Variants in FRMD4A observed in about 807,000 individuals in gnomAD.
FRMD4A encodes FERM domain containing 4A, also known as FERM domain-containing protein 4A.
A neutral mutation model predicts 129.1 loss-of-function variants in FRMD4A; 29 were observed. That is an observed-to-expected ratio of 0.22 (90% CI 0.17 to 0.31). FRMD4A has a LOEUF of 0.31. FRMD4A is among the 10% of genes least tolerant of loss of function. FRMD4A has a pLI of 1.00. For missense variants in FRMD4A, 1,272 were observed against 1,375.8 expected, an observed-to-expected ratio of 0.92 and a Z score of 1.19; for synonymous variants, 634 against 571.6, an observed-to-expected ratio of 1.11 and a Z score of -1.56.
chr10:14,197,955 T>C (rs190444849), intron 2 of FRMD4A, among the ~76,000 whole-genome samples: 2 of 152,258 alleles, frequency 1.3e-5, no homozygotes, highest in East Asian at 3.9e-4. Flanking sequence ...TTGCCTGGAG[T>C]TTCCGCTCTG....
At chr10:13,685,488 G>A (rs896680809) in intron 15 of FRMD4A, 1 of 984,884 alleles carries the variant, frequency 1.0e-6, no homozygotes. Flanking sequence ...AAATGAGGGA[G>A]CTGACCTATC....
chr10:14,225,192 C>T (rs929899902), intron 2 of FRMD4A, among the ~76,000 whole-genome samples: 1 of 152,100 alleles, frequency 6.6e-6, no homozygotes, highest in African/African-American at 2.4e-5. Flanking sequence ...AGCCTAAAAT[C>T]GTCACTACTA....
Position 13,740,676 on chromosome 10 carries a change from TC to T in FRMD4A, c.549-100del. ...TTCTCAGCCCCATCTCATAAGAAGC[TC>T]CAAGGCACCAACAGCTCCTGGAAAA... On this transcript the variant is annotated intron_variant, in intron 9 of 24. Coordinates refer to ENST00000357447, the MANE Select transcript of FRMD4A (RefSeq NM_018027.5). The T allele has an allele frequency of 5.8e-6, 4 of 689,018 alleles. No individual in the cohort carries two copies. The South Asian group carries it at 7.0e-5, about 12-fold the overall frequency. 42.7% of individuals were successfully genotyped at this position (689,018 alleles called of 1,614,324 possible).
chr10:13,994,523 T>G (rs180891830), intron 2 of FRMD4A, among the ~76,000 whole-genome samples: 1 of 152,242 alleles, frequency 6.6e-6, no homozygotes, highest in Admixed American at 6.5e-5. Context: ...GGTTTCACCA[T>G]GTTGGTCAGG....
At chr10:14,064,627 G>T (rs562425108) in intron 2 of FRMD4A, among the ~76,000 whole-genome samples, 95 of 152,242 alleles carry the variant, frequency 6.2e-4, no homozygotes, top group African/African-American at 2.2e-3. Flanking sequence ...GTCTAGGCTG[G>T]AGTACAGTGG....
rs140657611 is a variant in FRMD4A at position 13,983,105 on chromosome 10, C to T, written c.46-124193G>A. Among the ~76,000 whole-genome samples, 379 of 152,260 alleles carry T rather than the reference C, an allele frequency of 2.5e-3. 5 individuals carry two copies. Among genetic ancestry groups the T allele is most frequent in the African/African-American group, 8.8e-3 (364 of 41,556 alleles). On this transcript the variant is annotated intron_variant, in intron 2 of 24. Coordinates refer to ENST00000357447, the MANE Select transcript of FRMD4A (RefSeq NM_018027.5). ...CCTCCCAACTAGCTGGGGCTATAGGCGTGTGCCACTACACCAGGCTAATTT... is the reference window on the plus strand; with the variant it reads ...CCTCCCAACTAGCTGGGGCTATAGGTGTGTGCCACTACACCAGGCTAATTT...
chr10:14,149,684 T>G (rs1190818402), intron 2 of FRMD4A, among the ~76,000 whole-genome samples: 1 of 152,200 alleles, frequency 6.6e-6, no homozygotes, highest in African/African-American at 2.4e-5. Flanking sequence ...CTTGTCATTT[T>G]AAACACATTG....
Position 14,295,908 on chromosome 10 carries a change from G to T in FRMD4A, c.45+34150C>A, listed in dbSNP as rs575972284. ...AATGAAATGCAGCAGTTTAAACGGGGTCAACATAAATGGGTGAAACGATCT... is the reference window on the plus strand; with the variant it reads ...AATGAAATGCAGCAGTTTAAACGGGTTCAACATAAATGGGTGAAACGATCT... On this transcript the variant is annotated intron_variant, in intron 2 of 24. Coordinates refer to ENST00000357447, the MANE Select transcript of FRMD4A (RefSeq NM_018027.5). 3.5e-4 allele frequency among the ~76,000 whole-genome samples: 54 copies of T among 152,226 alleles called. No homozygotes were observed. In the South Asian group the frequency reaches 8.9e-3, roughly 25 times the overall value.
chr10:14,143,730 T>G (rs1309876498), intron 2 of FRMD4A, among the ~76,000 whole-genome samples: 1 of 152,118 alleles, frequency 6.6e-6, no homozygotes, highest in Non-Finnish European at 1.5e-5. Flanking sequence ...TTCTCCTGCC[T>G]CAGCCTCCCC....
intron 2 of FRMD4A, among the ~76,000 whole-genome samples, chr10:14,196,406 A>G (rs2131931996): frequency 6.6e-6 from 1 of 152,346 alleles, no homozygotes; most frequent in Admixed American, 6.5e-5. Flanking sequence ...GCTGTAAAAC[A>G]TTAAAATGTT....
chr10:14,027,955 G>A (rs1291636566), intron 2 of FRMD4A, among the ~76,000 whole-genome samples: 1 of 152,058 alleles, frequency 6.6e-6, no homozygotes, highest in Non-Finnish European at 1.5e-5. Context: ...GAGTAACTGG[G>A]TACCAGGGAG....
chr10:14,252,928 A>G (rs1844488117), intron 2 of FRMD4A, among the ~76,000 whole-genome samples: 1 of 152,148 alleles, frequency 6.6e-6, no homozygotes, highest in Non-Finnish European at 1.5e-5. Context: ...CTTCTTCTCC[A>G]TTCATTCATT....
At chr10:13,798,964 A>G (rs12415443) in intron 4 of FRMD4A, among the ~76,000 whole-genome samples, 1,648 of 152,092 alleles carry the variant, frequency 0.011, 70 homozygotes, top group East Asian at 0.1. Context: ...TTCCCCAGTG[A>G]GGTCCGGCCC....
intron 2 of FRMD4A, among the ~76,000 whole-genome samples, chr10:14,014,211 G>A (rs1352716077): frequency 6.6e-6 from 1 of 152,170 alleles, no homozygotes; most frequent in East Asian, 1.9e-4. Context: ...TGTAATTATT[G>A]TCATGTGAAG....
At chr10:14,302,979 A>C (rs1363214588) in intron 2 of FRMD4A, among the ~76,000 whole-genome samples, 2 of 152,192 alleles carry the variant, frequency 1.3e-5, no homozygotes, top group Non-Finnish European at 2.9e-5. Flanking sequence ...TAGGGAAACA[A>C]GACATTGAAA....
At chr10:13,850,538 C>CAGAT (rs575683770) in intron 3 of FRMD4A, among the ~76,000 whole-genome samples, 260 of 152,286 alleles carry the variant, frequency 1.7e-3, no homozygotes, top group African/African-American at 5.9e-3. Flanking sequence ...CAGGCTTTCC[C>CAGAT]AGATAGGTTA....
intron 14 of FRMD4A, among the ~76,000 whole-genome samples, chr10:13,700,700 T>C (rs1289306762): frequency 1.3e-5 from 2 of 151,884 alleles, no homozygotes; most frequent in African/African-American, 4.8e-5. Flanking sequence ...GACGTCATCC[T>C]CTCACCCACC....
chr10:14,025,382 T>A (rs771151674), intron 2 of FRMD4A, among the ~76,000 whole-genome samples: 1 of 152,288 alleles, frequency 6.6e-6, no homozygotes, highest in South Asian at 2.1e-4. Flanking sequence ...TATTTTTAAG[T>A]GTACTGTTCC....
At chr10:13,987,090 G>C (rs1038469388) in intron 2 of FRMD4A, among the ~76,000 whole-genome samples, 7 of 152,112 alleles carry the variant, frequency 4.6e-5, no homozygotes, top group African/African-American at 1.7e-4. Context: ...ATCTAGGCTC[G>C]TAGCTCAACC....
Sources: allele counts gnomAD v4.1 joint callset (sites outside exome capture counted in the v4.1 genomes callset), GRCh38; gene constraint gnomAD v4.1.1; transcripts MANE v1.5; gene names NCBI Gene and HGNC (gene_info 2026-07-23, HGNC 2026-07-21).